The following ASXL2 variants were observed in gnomAD, a reference collection of about 807,000 sequenced individuals.
The protein encoded by ASXL2 is putative Polycomb group protein ASXL2.
In ASXL2, 23 loss-of-function variants were observed where a neutral mutation model predicts 122.0. That is an observed-to-expected ratio of 0.19 (90% CI 0.14 to 0.27). The LOEUF (loss-of-function observed/expected upper bound fraction) is 0.27, where lower values mean the gene tolerates loss of function less well. Among genes scored for constraint, ASXL2 ranks in the 10% least tolerant of loss-of-function variants. The pLI is 1.00. For missense variants in ASXL2, 1,518 were observed against 1,713.8 expected (o/e 0.89, Z 2.02); for synonymous variants, 650 against 637.0 (o/e 1.02, Z -0.31).
intron 3 of ASXL2, among the ~76,000 whole-genome samples, chr2:25,821,314 A>AC (rs2089307622): frequency 6.6e-6 from 1 of 151,822 alleles, no homozygotes; most frequent in African/African-American, 2.4e-5. Flanking sequence ...CTATGACTGT[A>AC]CCACTGCACT....
chr2:25,792,207 G>A (rs1019667782), intron 5 of ASXL2, among the ~76,000 whole-genome samples: 1 of 152,094 alleles, frequency 6.6e-6, no homozygotes, highest in African/African-American at 2.4e-5. Context: ...TCACTATATT[G>A]CCCAGGCTGG....
intron 3 of ASXL2, among the ~76,000 whole-genome samples, chr2:25,813,675 C>T (rs189518694): frequency 2.0e-5 from 3 of 152,276 alleles, no homozygotes; most frequent in Admixed American, 6.5e-5. Flanking sequence ...CAACAAATAA[C>T]AACAAAACAG....
intron 5 of ASXL2, among the ~76,000 whole-genome samples, chr2:25,793,647 G>A (rs955885611): frequency 3.3e-5 from 5 of 152,104 alleles, no homozygotes; most frequent in East Asian, 1.9e-4. Context: ...GATAATAATC[G>A]AAGTTTCCGA....
intron 1 of ASXL2, among the ~76,000 whole-genome samples, chr2:25,864,877 G>C (rs1295285428): frequency 6.6e-6 from 1 of 151,130 alleles, no homozygotes; most frequent in Non-Finnish European, 1.5e-5. Context: ...CGTTGCCCAG[G>C]CTGCAGTACA....
At chr2:25,781,059 CAAAA>C (rs56394505) in intron 5 of ASXL2, among the ~76,000 whole-genome samples, 4 of 109,876 alleles carry the variant, frequency 3.6e-5, no homozygotes, top group African/African-American at 3.6e-5. Flanking sequence ...ACTCCATCTC[CAAAA>C]AAAAAAAAAA....
At chr2:25,758,314 C>T (rs1188124102) in intron 9 of ASXL2, among the ~76,000 whole-genome samples, 4 of 152,148 alleles carry the variant, frequency 2.6e-5, no homozygotes, top group East Asian at 1.9e-4. Flanking sequence ...CCTCTTACTA[C>T]GAACAAGAGA....
At chr2:25,755,142 T>C (rs955679995) in intron 10 of ASXL2, among the ~76,000 whole-genome samples, 2 of 152,244 alleles carry the variant, frequency 1.3e-5, no homozygotes, top group Non-Finnish European at 2.9e-5. Flanking sequence ...ATTCCATGTA[T>C]ACTGAAAAAC....
intron 2 of ASXL2, among the ~76,000 whole-genome samples, chr2:25,843,251 A>G (rs979673240): frequency 9.2e-5 from 14 of 151,362 alleles, no homozygotes. Flanking sequence ...GCAGTGAGCC[A>G]AGATGGAACC....
chr2:25,761,202 T>A (rs1171146235), intron 8 of ASXL2, among the ~76,000 whole-genome samples: 1 of 152,178 alleles, frequency 6.6e-6, no homozygotes, highest in East Asian at 1.9e-4. Flanking sequence ...TTCAAAGAAC[T>A]GACAGTTGTA....
rs980355596 is a variant in ASXL2 at position 25,742,755 on chromosome 2, T to A, written c.3582A>T (p.Thr1194=). 1.2e-6 allele frequency: 2 copies of A among 1,613,888 alleles called. No individual in the cohort carries two copies. The highest frequency in any genetic ancestry group is 2.7e-5 in the African/African-American group (2 of 74,914). ...GGGAAACCTGGGGCTCCTCTTTCACTGTGACAGATTCCTGCTCATCACCAG... is the reference window on the plus strand; with the variant it reads ...GGGAAACCTGGGGCTCCTCTTTCACAGTGACAGATTCCTGCTCATCACCAG... ...ESTGDEQESV[T]VKEEPQVSQS... Residue 1194 remains threonine (T), a synonymous_variant, in exon 13 of 13, where the codon ACA becomes ACT. Transcript: ENST00000435504.
At chr2:25,828,932 TAA>T in intron 3 of ASXL2, among the ~76,000 whole-genome samples, 1 of 151,690 alleles carries the variant, frequency 6.6e-6, no homozygotes, top group East Asian at 1.9e-4. Flanking sequence ...GTTCTATCAC[TAA>T]TTAGATATGT....
chr2:25,756,065 T>G lies in ASXL2; in HGVS notation c.989A>C (p.Glu330Ala). Residue 330 changes from glutamate to alanine, a missense_variant, in exon 10 of 13, where the codon GAA (glutamate) becomes GCA (alanine). Around this residue, in one of 8 missense-constraint regions of ASXL2, gnomAD observed 92 missense variants for 156.6 expected, o/e 0.59. Coordinates refer to ENST00000435504, the MANE Select transcript of ASXL2 (RefSeq NM_018263.6). Reference protein sequence around the residue: ...MKLNGSALNNEFFTSAAQGWK... With the variant: ...MKLNGSALNNAFFTSAAQGWK... ...GCCTTGGGCTGCTGAAGTGAAGAATTCATTGTTAAGGGCTGAGCCATTTAA... is the reference window on the plus strand; with the variant it reads ...GCCTTGGGCTGCTGAAGTGAAGAATGCATTGTTAAGGGCTGAGCCATTTAA... 1 of 1,613,396 alleles carries G rather than the reference T, an allele frequency of 6.2e-7. No homozygotes were observed.
intron 5 of ASXL2, among the ~76,000 whole-genome samples, chr2:25,783,652 G>C (rs1409749017): frequency 6.6e-6 from 1 of 151,896 alleles, no homozygotes; most frequent in Non-Finnish European, 1.5e-5. Context: ...TTCCAGACTG[G>C]ACACAGTGGC....
chr2:25,796,814 T>C (rs1460880791), intron 5 of ASXL2, among the ~76,000 whole-genome samples: 2 of 152,232 alleles, frequency 1.3e-5, no homozygotes, highest in Admixed American at 6.5e-5. Context: ...TCTGGTGTGG[T>C]AGCCACTATC....
chr2:25,858,513 AAGAG>A (rs2089806836), intron 1 of ASXL2, among the ~76,000 whole-genome samples: 1 of 151,866 alleles, frequency 6.6e-6, no homozygotes, highest in African/African-American at 2.4e-5. Flanking sequence ...TCATGAGGTC[AAGAG>A]ATGGAGACCA....
At position 25,871,152 on chromosome 2, in the gene ASXL2, T is replaced by C. The variant is rs374267481; in HGVS notation, c.57+7014A>G. ...AAATACTAAATTTAAAAATATCAAC[T>C]ATGAGGATGGCCTCTATGAGATGTA... On this transcript the variant is annotated intron_variant, in intron 1 of 12. Transcript: ENST00000435504. Among the ~76,000 whole-genome samples the C allele has an allele frequency of 6.6e-5, 10 of 152,246 alleles. No homozygotes were observed. The South Asian group carries it at 1.5e-3, about 22-fold the overall frequency.
Position 25,870,505 on chromosome 2 carries a change from C to T in ASXL2, c.57+7661G>A, listed in dbSNP as rs145318911. 5.2e-3 allele frequency among the ~76,000 whole-genome samples: 789 copies of T among 152,194 alleles called. 4 individuals are homozygous for T. Among genetic ancestry groups the T allele is most frequent in the Non-Finnish European group, 7.5e-3 (509 of 68,014 alleles). ...CGCCACTGCAGTCTGTCGCCAGGCT[C>T]CGTTTAAAAACAAAAAATTAACCTG... On this transcript the variant is annotated intron_variant, in intron 1 of 12. Coordinates refer to ENST00000435504, the MANE Select transcript of ASXL2 (RefSeq NM_018263.6).
At chr2:25,773,768 G>A (rs957080220) in intron 5 of ASXL2, among the ~76,000 whole-genome samples, 2 of 151,848 alleles carry the variant, frequency 1.3e-5, no homozygotes, top group Admixed American at 6.6e-5. Flanking sequence ...TGGGCACGGC[G>A]GCTCACACCT....
chr2:25,878,091 T>C (rs1215132740), intron 1 of ASXL2, 75 bp downstream of exon 1: 1 of 1,582,016 alleles, frequency 6.3e-7, no homozygotes, highest in East Asian at 2.2e-5. Flanking sequence ...GCCAGTGACC[T>C]CCCTTTCCCT....
Sources: allele counts gnomAD v4.1 joint callset (sites outside exome capture counted in the v4.1 genomes callset), GRCh38; gene constraint gnomAD v4.1.1; regional missense constraint gnomAD v4.1.1; transcripts MANE v1.5; gene names NCBI Gene and HGNC (gene_info 2026-07-23, HGNC 2026-07-21).